The following PRDM10 variants were observed in gnomAD, a reference collection of about 807,000 sequenced individuals.
PRDM10 encodes PR domain zinc finger protein 10.
Under a neutral mutation model 133.1 loss-of-function variants are expected in PRDM10, and 65 were observed. The observed-to-expected ratio is 0.49, with a 90% confidence interval of 0.40 to 0.60. The LOEUF (loss-of-function observed/expected upper bound fraction) is 0.60. Among genes scored for constraint, PRDM10 ranks in the 20% least tolerant of loss-of-function variants. The pLI is 0.00. For synonymous variants in PRDM10, 582 were observed against 580.4 expected, an observed-to-expected ratio of 1.00 and a Z score of -0.04; for missense variants, 1,137 against 1,507.1, an observed-to-expected ratio of 0.75 and a Z score of 4.07.
At chr11:129,902,861 G>A (rs954199687) in intron 20 of PRDM10, among the ~76,000 whole-genome samples, 1 of 152,046 alleles carries the variant, frequency 6.6e-6, no homozygotes, top group Non-Finnish European at 1.5e-5. Flanking sequence ...CTGTCCATTC[G>A]ATCTTAAGAT....
chr11:129,900,516 G>A lies in PRDM10; in HGVS notation c.*1797C>T, dbSNP rs1262518748. 6.6e-6 allele frequency: 1 copy of A among 152,616 alleles called. No individual in the cohort carries two copies. Among genetic ancestry groups the A allele is most frequent in the Non-Finnish European group, 1.5e-5 (1 of 68,028 alleles). The allele number at this position is 152,616 out of a possible 1,614,324, so 9.5% of individuals were successfully genotyped here. ...TTCCAATAAGTTATTCCTGAAGGGA[G>A]GGGAGATACCTTATGGTTCAAATTA... On this transcript the variant is annotated 3_prime_UTR_variant, in exon 21 of 21. Transcript: ENST00000360871.
chr11:129,917,782 A>T (rs2135755935), intron 14 of PRDM10, among the ~76,000 whole-genome samples: 1 of 152,308 alleles, frequency 6.6e-6, no homozygotes, highest in South Asian at 2.1e-4. Flanking sequence ...CCCTGCTTTG[A>T]CGGAAAGCTT....
chr11:129,961,345 C>T (rs1376380262), intron 1 of PRDM10, among the ~76,000 whole-genome samples: 1 of 151,886 alleles, frequency 6.6e-6, no homozygotes, highest in Non-Finnish European at 1.5e-5. Context: ...CGCTCTGTTG[C>T]CCAGGCTGGA....
At position 129,912,154 on chromosome 11, in the gene PRDM10, G is replaced by C. The variant is rs375057961; in HGVS notation, c.2913C>G (p.Pro971=). Residue 971 remains proline, a synonymous_variant, in exon 18 of 21, where the codon CCC becomes CCG. Coordinates refer to ENST00000360871, the MANE Select transcript of PRDM10 (RefSeq NM_199437.2). ...VGQLHDPQPY[P]QHAIQVQHIQ... ...TGTGCTGCACCTGGATGGCGTGCTG[G>C]GGGTAGGGCTGAGGATCATGGAGCT... 3.7e-6 allele frequency: 6 copies of C among 1,612,828 alleles called. No homozygotes were observed. Among genetic ancestry groups the C allele is most frequent in the Middle Eastern group, 1.7e-4 (1 of 6,060 alleles).
Position 129,998,819 on chromosome 11 carries a change from C to CTTTT in PRDM10, c.-119+3899_-119+3902dup, listed in dbSNP as rs11461594. ...TTGAAATGGTGAAATGGTGTAATAACTTTTTTTTTTTTTTTTTTTGGAGAC... is the reference window on the plus strand; with the variant it reads ...TTGAAATGGTGAAATGGTGTAATAACTTTTTTTTTTTTTTTTTTTTTTTGGAGAC... On this transcript the variant is annotated intron_variant, in intron 1 of 20. Transcript: ENST00000360871. Among the ~76,000 whole-genome samples the CTTTT allele has an allele frequency of 4.8e-4, 66 of 136,134 alleles. 1 individual carries two copies. Among genetic ancestry groups the CTTTT allele is most frequent in the Admixed American group, 2.1e-3 (28 of 13,156 alleles). 89.3% of individuals were successfully genotyped at this position (136,134 alleles called of 152,430 possible). A position where few individuals can be genotyped will look rare whatever the true frequency, so the allele number is the denominator to read the frequency against.
In PRDM10 at chr11:129,902,271, C is replaced by A. The variant is rs781264410; in HGVS notation, c.*42G>T. ...GTCAGAGCTTTCAGACTTATGAGAA[C>A]AGACATGAGGTGGGTGCTGGATTCA... On this transcript the variant is annotated 3_prime_UTR_variant, in exon 21 of 21. Coordinates refer to ENST00000360871, the MANE Select transcript of PRDM10 (RefSeq NM_199437.2). 250 of 1,596,256 alleles carry A rather than the reference C, an allele frequency of 1.6e-4. No individual in the cohort carries two copies. The highest frequency in any genetic ancestry group is 2.1e-4 in the Non-Finnish European group (242 of 1,167,784).
chr11:129,933,485 C>T (rs1591623738), intron 9 of PRDM10, among the ~76,000 whole-genome samples: 1 of 152,128 alleles, frequency 6.6e-6, no homozygotes, highest in Non-Finnish European at 1.5e-5. Context: ...ATATATATGA[C>T]CACAATACCA....
chr11:129,953,746 G>C (rs1316957260), intron 4 of PRDM10, among the ~76,000 whole-genome samples: 4 of 144,060 alleles, frequency 2.8e-5, no homozygotes, highest in Non-Finnish European at 4.5e-5. Context: ...AATATCTTCT[G>C]TCTCTACCAT....
chr11:129,919,821 A>G (rs1225461800), intron 13 of PRDM10, among the ~76,000 whole-genome samples: 2 of 152,198 alleles, frequency 1.3e-5, no homozygotes, highest in East Asian at 3.9e-4. Context: ...GGGCCTACCC[A>G]GTATCAGGGA....
At chr11:129,978,786 T>G (rs11827863) in intron 1 of PRDM10, among the ~76,000 whole-genome samples, 36,187 of 152,154 alleles carry the variant, frequency 0.24, 7,395 homozygotes, top group East Asian at 0.57. Context: ...TGCCTCCAAG[T>G]AGGCACGCAA....
At chr11:129,962,488 T>C (rs1951815368) in intron 1 of PRDM10, among the ~76,000 whole-genome samples, 1 of 152,190 alleles carries the variant, frequency 6.6e-6, no homozygotes, top group South Asian at 2.1e-4. Flanking sequence ...TCACCCTGCA[T>C]GCGCCCTACT....
intron 9 of PRDM10, among the ~76,000 whole-genome samples, chr11:129,934,813 G>T (rs1419832103): frequency 6.6e-6 from 1 of 152,148 alleles, no homozygotes; most frequent in Non-Finnish European, 1.5e-5. Flanking sequence ...TATTTTAAAG[G>T]TATGTCCTAT....
rs754104157 is a variant in PRDM10 at position 129,918,512 on chromosome 11, A to C, written c.2214+27T>G. 6.2e-7 allele frequency: 1 copy of C among 1,605,070 alleles called. No individual in the cohort carries two copies. The highest frequency in any genetic ancestry group is 8.5e-7 in the Non-Finnish European group (1 of 1,175,134). ...GCAATGAGGTATGCTGGGAAGACAG[A>C]GGAACCCGCAGCCACTGGGCACTGA... On this transcript the variant is annotated intron_variant, in intron 14 of 20. Coordinates refer to ENST00000360871, the MANE Select transcript of PRDM10 (RefSeq NM_199437.2). The surrounding 1 kb of genome is among the most constrained non-coding windows in gnomAD (Gnocchi z 5.3).
intron 4 of PRDM10, among the ~76,000 whole-genome samples, chr11:129,952,127 G>A (rs1479044720): frequency 6.6e-6 from 1 of 152,228 alleles, no homozygotes; most frequent in Non-Finnish European, 1.5e-5. Flanking sequence ...GTCAGGGTTT[G>A]TGGAGCTGAG....
intron 1 of PRDM10, among the ~76,000 whole-genome samples, chr11:129,989,537 G>A (rs1426076129): frequency 1.3e-5 from 2 of 152,082 alleles, no homozygotes; most frequent in African/African-American, 4.8e-5. Flanking sequence ...CAGTAATTAA[G>A]TAGGAGACTT....
At chr11:129,956,778 T>C (rs550501362) in intron 3 of PRDM10, among the ~76,000 whole-genome samples, 1 of 152,328 alleles carries the variant, frequency 6.6e-6, no homozygotes, top group South Asian at 2.1e-4. Flanking sequence ...CTCATTTCTA[T>C]TTGGGAGTGA....
chr11:129,943,976 G>A (rs1951304459), intron 6 of PRDM10, among the ~76,000 whole-genome samples: 1 of 152,104 alleles, frequency 6.6e-6, no homozygotes, highest in African/African-American at 2.4e-5. Flanking sequence ...TGGCAACAGA[G>A]CGAGGCTCCA....
Position 129,945,554 on chromosome 11 carries a change from G to C in PRDM10, c.521-542C>G, listed in dbSNP as rs755653209. Among the ~76,000 whole-genome samples the C allele has an allele frequency of 3.4e-4, 51 of 152,168 alleles. No homozygotes were observed. Among genetic ancestry groups the C allele is most frequent in the Non-Finnish European group, 5.4e-4 (37 of 68,026 alleles). ...TCTGAGAGTTCAGTGCATACTGTCT[G>C]ATTAGATAATGCTAAAATGAACAAA... On this transcript the variant is annotated intron_variant, in intron 5 of 20. Coordinates refer to ENST00000360871, the MANE Select transcript of PRDM10 (RefSeq NM_199437.2). The surrounding 1 kb of genome is among the most constrained non-coding windows in gnomAD (Gnocchi z 4.2).
At chr11:129,919,131 G>A (rs1050060279) in intron 13 of PRDM10, among the ~76,000 whole-genome samples, 38 of 152,176 alleles carry the variant, frequency 2.5e-4, no homozygotes, top group Non-Finnish European at 4.7e-4. Context: ...AGCACTTTGG[G>A]AGGCCGACAA....
Sources: gnomAD v4.1 joint callset for allele counts (sites outside exome capture counted in the v4.1 genomes callset) on GRCh38, gnomAD v4.1.1 for gene constraint, Gnocchi (gnomAD v3.1) non-coding constraint, MANE v1.5 for transcripts, NCBI Gene and HGNC (gene_info 2026-07-23, HGNC 2026-07-21) for gene names.